Variants in DCAF10 observed in about 807,000 individuals in gnomAD.
The protein encoded by DCAF10 is DDB1- and CUL4-associated factor 10.
Under a neutral mutation model 51.9 loss-of-function variants are expected in DCAF10, and 19 were observed. The ratio of observed to expected loss-of-function variants is 0.37; its 90% confidence interval spans 0.26 to 0.54. DCAF10 has a LOEUF of 0.54. Ranked by LOEUF, DCAF10 falls within the 20% of genes least tolerant of loss-of-function variation. DCAF10 has a pLI of 0.87. For synonymous variants in DCAF10, 291 were observed against 297.1 expected (o/e 0.98, Z 0.21); for missense variants, 510 against 730.6 (o/e 0.70, Z 3.48).
At position 37,801,303 on chromosome 9, in the gene DCAF10, G is replaced by A. The variant is rs754834552; in HGVS notation, c.437G>A (p.Arg146His). The change falls in exon 1 of 7, where the codon CGC (arginine) becomes CAC (histidine). Residue 146 changes from arginine (R) to histidine (H), a missense_variant. Physicochemically the swap from Arg to His is conservative, Grantham distance 29 (BLOSUM62 0). Around this residue, in one of 4 missense-constraint regions of DCAF10, gnomAD observed 251 missense variants for 227.9 expected, o/e 1.10. Coordinates refer to ENST00000377724, the MANE Select transcript of DCAF10 (RefSeq NM_024345.5). This position sits in a 1 kb window ranked among gnomAD's most constrained non-coding sequence, Gnocchi z 5.5. Reference protein sequence around the residue: ...LFVDPARDNFRTMTSLYGSIH... With the variant: ...LFVDPARDNFHTMTSLYGSIH... The stretch of plus-strand genomic sequence containing the variant: ...GTGGACCCGGCGCGGGACAATTTTC[G>A]CACCATGACTAGCCTCTACGGTTCC... 6.3e-7 allele frequency: 1 copy of A among 1,597,898 alleles called. No homozygotes were observed. Among genetic ancestry groups the A allele is most frequent in the Non-Finnish European group, 8.5e-7 (1 of 1,174,740 alleles).
rs1332393848 is a variant in DCAF10, at chr9:37,829,795, G to A, written c.653+10394G>A. On this transcript the variant is annotated intron_variant, in intron 2 of 6. Transcript: ENST00000377724. This position sits in a 1 kb window ranked among gnomAD's most constrained non-coding sequence, Gnocchi z 4.2. ...GCTGAGGTGGGACAATCACTGGAGGGCAGGAGTTCAAGACTAGCCTGGGCA... is the reference window on the plus strand; with the variant it reads ...GCTGAGGTGGGACAATCACTGGAGGACAGGAGTTCAAGACTAGCCTGGGCA... 6.6e-6 allele frequency among the ~76,000 whole-genome samples: 1 copy of A among 152,028 alleles called. No individual in the cohort carries two copies. Among genetic ancestry groups the A allele is most frequent in the Non-Finnish European group, 1.5e-5 (1 of 68,004 alleles).
At chr9:37,826,078 A>T (rs892808370) in intron 2 of DCAF10, among the ~76,000 whole-genome samples, 7 of 97,532 alleles carry the variant, frequency 7.2e-5, no homozygotes, top group Admixed American at 2.8e-4. Flanking sequence ...TATTTCTTTA[A>T]AAAAAAAAAA....
chr9:37,841,799 T>C (rs1276726989), intron 2 of DCAF10, among the ~76,000 whole-genome samples: 1 of 152,194 alleles, frequency 6.6e-6, no homozygotes, highest in Non-Finnish European at 1.5e-5. Flanking sequence ...TTTTCCCTTC[T>C]GTCACTGTTT....
chr9:37,846,249 CTG>C (rs1481862557), intron 3 of DCAF10, among the ~76,000 whole-genome samples: 1 of 152,010 alleles, frequency 6.6e-6, no homozygotes, highest in African/African-American at 2.4e-5. Context: ...ATGGGTAAAT[CTG>C]TATGATTGTT....
At chr9:37,832,150 AAAT>A (rs141092161) in intron 2 of DCAF10, 50,968 of 150,914 alleles carry the variant, frequency 0.34, 8,854 homozygotes, top group Non-Finnish European at 0.38. Flanking sequence ...ATCTAAAAAA[AAAT>A]AATAATAATT....
chr9:37,803,396 C>T (rs960442186), intron 1 of DCAF10, among the ~76,000 whole-genome samples: 1 of 151,568 alleles, frequency 6.6e-6, no homozygotes, highest in Non-Finnish European at 1.5e-5. Context: ...TTAAATAAAA[C>T]CTCTTTGAAC....
At chr9:37,814,112 A>T (rs1469737846) in intron 1 of DCAF10, among the ~76,000 whole-genome samples, 227 of 87,208 alleles carry the variant, frequency 2.6e-3, no homozygotes, top group African/African-American at 9.6e-3. Context: ...ATATATATAT[A>T]TATATATATA....
At position 37,800,858 on chromosome 9, in the gene DCAF10, G is replaced by A. The variant is rs1187115560; in HGVS notation, c.-9G>A. ...CAGTGGCCCGGAGCGGGGGGCGGGG[G>A]CGTTGATCATGTTTCCCTTTGGGCC... On this transcript the variant is annotated 5_prime_UTR_variant, in exon 1 of 7. Coordinates refer to ENST00000377724, the MANE Select transcript of DCAF10 (RefSeq NM_024345.5). 30 of 1,488,712 alleles carry A rather than the reference G, an allele frequency of 2.0e-5. No homozygotes were observed. Among genetic ancestry groups the A allele is most frequent in the Non-Finnish European group, 2.7e-5 (30 of 1,126,282 alleles). 92.2% of individuals were successfully genotyped at this position (1,488,712 alleles called of 1,614,324 possible).
chr9:37,841,262 A>G (rs955725741), intron 2 of DCAF10, among the ~76,000 whole-genome samples: 1 of 152,222 alleles, frequency 6.6e-6, no homozygotes, highest in African/African-American at 2.4e-5. Context: ...GTGGATATTG[A>G]GGTTGATTTC....
At chr9:37,824,966 C>T (rs1829809680) in intron 2 of DCAF10, among the ~76,000 whole-genome samples, 1 of 152,060 alleles carries the variant, frequency 6.6e-6, no homozygotes, top group Non-Finnish European at 1.5e-5. Context: ...TAGAAGTCTA[C>T]AATTATAGTG....
chr9:37,805,396 A>AT (rs1315798997), intron 1 of DCAF10, among the ~76,000 whole-genome samples: 2 of 152,172 alleles, frequency 1.3e-5, no homozygotes, highest in African/African-American at 4.8e-5. Flanking sequence ...AGGCAGGAAA[A>AT]TCACTTGAAC....
chr9:37,817,879 T>A (rs879021831), intron 1 of DCAF10, among the ~76,000 whole-genome samples: 1 of 152,180 alleles, frequency 6.6e-6, no homozygotes, highest in Non-Finnish European at 1.5e-5. Flanking sequence ...TTTGAATATT[T>A]TTACTCCCAA....
At chr9:37,837,860 GAATT>G (rs1180251744) in intron 2 of DCAF10, among the ~76,000 whole-genome samples, 2 of 143,480 alleles carry the variant, frequency 1.4e-5, no homozygotes, top group African/African-American at 5.4e-5. Flanking sequence ...AAAAAAAAAA[GAATT>G]AAAATTTTGA....
At chr9:37,805,731 G>A (rs1354269394) in intron 1 of DCAF10, among the ~76,000 whole-genome samples, 1 of 152,120 alleles carries the variant, frequency 6.6e-6, no homozygotes, top group Non-Finnish European at 1.5e-5. Flanking sequence ...AAGAATAGCT[G>A]AAAATAAATC....
At chr9:37,811,002 C>T (rs1296930438) in intron 1 of DCAF10, among the ~76,000 whole-genome samples, 1 of 152,124 alleles carries the variant, frequency 6.6e-6, no homozygotes, top group Non-Finnish European at 1.5e-5. Flanking sequence ...CTCTAGCTTA[C>T]TTGCCATAAT....
Position 37,801,058 on chromosome 9 carries a change from G to A in DCAF10, c.192G>A (p.Pro64=), listed in dbSNP as rs778487474. 3.9e-6 allele frequency: 6 copies of A among 1,533,140 alleles called. No homozygotes were observed. The highest frequency in any genetic ancestry group is 1.4e-5 in the African/African-American group (1 of 70,430). 95.0% of individuals were successfully genotyped at this position (1,533,140 alleles called of 1,614,324 possible). Residue 64 remains proline, a synonymous_variant, in exon 1 of 7, where the codon CCG becomes CCA. Coordinates refer to ENST00000377724, the MANE Select transcript of DCAF10 (RefSeq NM_024345.5). This position sits in a 1 kb window ranked among gnomAD's most constrained non-coding sequence, Gnocchi z 5.5. ...PRRPGAPSLS[P]APRSGELGLP... Reference sequence around the variant, plus strand: ...GCCCCGGCGCCCCATCGCTGTCCCCGGCCCCGCGCTCCGGAGAGCTAGGGC... The same window carrying A: ...GCCCCGGCGCCCCATCGCTGTCCCCAGCCCCGCGCTCCGGAGAGCTAGGGC...
intron 2 of DCAF10, among the ~76,000 whole-genome samples, chr9:37,841,509 G>T (rs1830336624): frequency 6.6e-6 from 1 of 152,124 alleles, no homozygotes. Flanking sequence ...AGCCTATTTT[G>T]TAATTTTCTT....
Position 37,845,219 on chromosome 9 carries a change from A to G in DCAF10, c.851+2933A>G, listed in dbSNP as rs527274883. On this transcript the variant is annotated intron_variant, in intron 3 of 6. Coordinates refer to ENST00000377724, the MANE Select transcript of DCAF10 (RefSeq NM_024345.5). ...AAAAAGTAAAAGGATAAACCCGATG[A>G]AAGTAGATGTATGGAAATGATAAGT... Among the ~76,000 whole-genome samples, 4 of 152,330 alleles carry G rather than the reference A, an allele frequency of 2.6e-5. No individual in the cohort carries two copies. The East Asian group carries it at 7.7e-4, about 29-fold the overall frequency.
chr9:37,819,205 CT>C, intron 1 of DCAF10, 82 bp from the exon 2 acceptor site: 1 of 1,070,308 alleles, frequency 9.3e-7, no homozygotes, highest in Non-Finnish European at 1.4e-6. Context: ...TTACCTATAG[CT>C]TGTGTAATTA....
Sources: allele counts gnomAD v4.1 joint callset (sites outside exome capture counted in the v4.1 genomes callset), GRCh38; gene constraint gnomAD v4.1.1; regional missense constraint gnomAD v4.1.1; non-coding constraint Gnocchi (gnomAD v3.1); transcripts MANE v1.5; gene names NCBI Gene and HGNC (gene_info 2026-07-23, HGNC 2026-07-21).